The following PARD3 variants were observed in gnomAD, a reference collection of about 807,000 sequenced individuals.
PARD3 encodes par-3 family cell polarity regulator, also known as partitioning defective 3 homolog.
PARD3 carries 75 observed loss-of-function variants against 155.4 expected under a neutral mutation model. That is an observed-to-expected ratio of 0.48 (90% CI 0.40 to 0.58). PARD3 has a LOEUF of 0.58. Ranked by LOEUF, PARD3 falls within the 20% of genes least tolerant of loss-of-function variation. PARD3 has a pLI of 0.00. For synonymous variants in PARD3, 576 were observed against 610.5 expected (o/e 0.94, Z 0.83); for missense variants, 1,642 against 1,721.7 (o/e 0.95, Z 0.82).
intron 19 of PARD3, among the ~76,000 whole-genome samples, chr10:34,323,746 T>C (rs1958517021): frequency 6.6e-6 from 1 of 152,238 alleles, no homozygotes; most frequent in African/African-American, 2.4e-5. Flanking sequence ...TGGTAGAATG[T>C]CACCTCCATT....
chr10:34,140,117 GT>G (rs1230909886), intron 22 of PARD3, among the ~76,000 whole-genome samples: 12 of 147,766 alleles, frequency 8.1e-5, no homozygotes, highest in African/African-American at 9.9e-5. Context: ...GTTTTTCGTT[GT>G]TTTTTTTTTA....
intron 1 of PARD3, among the ~76,000 whole-genome samples, chr10:34,753,198 C>A (rs759522388): frequency 6.6e-5 from 10 of 152,224 alleles, no homozygotes; most frequent in Non-Finnish European, 1.2e-4. Flanking sequence ...TACATGCCCA[C>A]ATGAGGAGCC....
intron 1 of PARD3, among the ~76,000 whole-genome samples, chr10:34,752,894 C>T (rs890050105): frequency 1.3e-5 from 2 of 152,206 alleles, no homozygotes; most frequent in Non-Finnish European, 2.9e-5. Context: ...TCAAGAAAGC[C>T]TATCCTTACC....
intron 5 of PARD3, among the ~76,000 whole-genome samples, chr10:34,431,112 A>C (rs1412535173): frequency 6.6e-6 from 1 of 152,224 alleles, no homozygotes; most frequent in African/African-American, 2.4e-5. Flanking sequence ...CTACAGATTA[A>C]GTAGCTTACT....
chr10:34,150,424 T>C (rs957578324), intron 22 of PARD3, among the ~76,000 whole-genome samples: 2 of 152,238 alleles, frequency 1.3e-5, no homozygotes, highest in South Asian at 2.1e-4. Context: ...TGGAGATATA[T>C]GATAAACCCA....
intron 22 of PARD3, among the ~76,000 whole-genome samples, chr10:34,244,181 A>G (rs1953789481): frequency 6.6e-6 from 1 of 152,240 alleles, no homozygotes; most frequent in African/African-American, 2.4e-5. Context: ...CAGTACAGTA[A>G]CAGGATGTTA....
At chr10:34,510,291 T>A (rs1185434788) in intron 3 of PARD3, among the ~76,000 whole-genome samples, 1 of 152,142 alleles carries the variant, frequency 6.6e-6, no homozygotes, top group Non-Finnish European at 1.5e-5. Context: ...CATTTCTCCA[T>A]GCAAAAGCAT....
intron 22 of PARD3, among the ~76,000 whole-genome samples, chr10:34,221,094 C>G (rs1952258069): frequency 6.6e-6 from 1 of 152,224 alleles, no homozygotes; most frequent in Admixed American, 6.5e-5. Context: ...GTGTGCAACC[C>G]TGACAGGCAC....
intron 5 of PARD3, among the ~76,000 whole-genome samples, chr10:34,433,397 A>C (rs1463130428): frequency 6.6e-6 from 1 of 152,206 alleles, no homozygotes; most frequent in East Asian, 1.9e-4. Context: ...ACATTATTTT[A>C]TTTGAATCAA....
At chr10:34,167,456 T>C (rs2133091619) in intron 22 of PARD3, among the ~76,000 whole-genome samples, 1 of 151,994 alleles carries the variant, frequency 6.6e-6, no homozygotes, top group South Asian at 2.1e-4. Flanking sequence ...CGTGAAAAGG[T>C]GCTCCATAAA....
chr10:34,725,598 T>C (rs999340116), intron 1 of PARD3, among the ~76,000 whole-genome samples: 2 of 152,176 alleles, frequency 1.3e-5, no homozygotes, highest in Non-Finnish European at 2.9e-5. Context: ...CGTAAAAATC[T>C]ACCCTTGGGG....
intron 3 of PARD3, among the ~76,000 whole-genome samples, chr10:34,512,063 T>C (rs1260459036): frequency 6.6e-6 from 1 of 152,200 alleles, no homozygotes; most frequent in Non-Finnish European, 1.5e-5. Flanking sequence ...TTCCAACATG[T>C]AAATTTGGGG....
chr10:34,501,539 T>C (rs2080707607), intron 3 of PARD3, among the ~76,000 whole-genome samples: 1 of 152,212 alleles, frequency 6.6e-6, no homozygotes, highest in Non-Finnish European at 1.5e-5. Flanking sequence ...CACTAGATCA[T>C]TACTGTTCAT....
intron 14 of PARD3, 79 bp downstream of exon 14, chr10:34,359,068 A>C: frequency 4.0e-5 from 43 of 1,085,014 alleles, no homozygotes; most frequent in East Asian, 9.5e-5. Flanking sequence ...CCTGGAACCT[A>C]ATACCCTTTG....
chr10:34,191,168 T>G (rs59467120), intron 22 of PARD3, among the ~76,000 whole-genome samples: 5,276 of 151,674 alleles, frequency 0.035, 99 homozygotes, highest in Non-Finnish European at 0.041. Flanking sequence ...TAAACTCAGG[T>G]AAGAAATAAA....
At chr10:34,744,415 A>T (rs1394040397) in intron 1 of PARD3, among the ~76,000 whole-genome samples, 1 of 152,222 alleles carries the variant, frequency 6.6e-6, no homozygotes, top group African/African-American at 2.4e-5. Context: ...CAAGATGAAA[A>T]AGCTGAAAGG....
chr10:34,600,352 A>T (rs530670502), intron 2 of PARD3, among the ~76,000 whole-genome samples: 2 of 152,210 alleles, frequency 1.3e-5, no homozygotes, highest in African/African-American at 4.8e-5. Flanking sequence ...TCTCAAAAAT[A>T]AATAAATCCA....
At chr10:34,419,527 A>G (rs1845991744) in intron 5 of PARD3, among the ~76,000 whole-genome samples, 1 of 152,156 alleles carries the variant, frequency 6.6e-6, no homozygotes, top group Non-Finnish European at 1.5e-5. Context: ...AAAAAAAAAG[A>G]AAAGAAAAGA....
chr10:34,403,311 G>A (rs1160621291), intron 5 of PARD3, among the ~76,000 whole-genome samples: 1 of 151,986 alleles, frequency 6.6e-6, no homozygotes, highest in Non-Finnish European at 1.5e-5. Context: ...CACACATTGG[G>A]AATTTACCAA....
Sources: gnomAD v4.1 joint callset for allele counts (sites outside exome capture counted in the v4.1 genomes callset) on GRCh38, gnomAD v4.1.1 for gene constraint, MANE v1.5 for transcripts, NCBI Gene and HGNC (gene_info 2026-07-23, HGNC 2026-07-21) for gene names.